AMBRA1: variants seen among roughly 807,000 people sequenced by gnomAD.
The protein encoded by AMBRA1 is activating molecule in BECN1-regulated autophagy protein 1.
In AMBRA1, 47 loss-of-function variants were observed where a neutral mutation model predicts 125.4. That is an observed-to-expected ratio of 0.37 (90% CI 0.30 to 0.48). AMBRA1 has a LOEUF of 0.48. Ranked by LOEUF, AMBRA1 falls within the 20% of genes least tolerant of loss-of-function variation. The pLI, the probability that AMBRA1 is intolerant of heterozygous loss-of-function variation, is 0.99. For missense variants in AMBRA1, 1,331 were observed against 1,693.4 expected, an observed-to-expected ratio of 0.79 and a Z score of 3.76; for synonymous variants, 626 against 655.5, an observed-to-expected ratio of 0.95 and a Z score of 0.69.
intron 7 of AMBRA1, chr11:46,518,429 CAAAAA>C (rs761919668): frequency 1.2e-4 from 7 of 58,434 alleles, no homozygotes; most frequent in South Asian, 1.6e-3. Context: ...GACTCCGTCT[CAAAAA>C]AAAAAAAAAA....
At chr11:46,415,074 T>C (rs1307225752) in intron 15 of AMBRA1, among the ~76,000 whole-genome samples, 7 of 151,786 alleles carry the variant, frequency 4.6e-5, no homozygotes, top group Non-Finnish European at 1.0e-4. Flanking sequence ...GGCTGCAATC[T>C]TGGCCCAGCT....
rs149093532 is a variant in AMBRA1, at chr11:46,397,492, C to A, written c.3855G>T (p.Arg1285Ser). The A allele has an allele frequency of 2.1e-5, 32 of 1,526,124 alleles. No homozygotes were observed. The highest frequency in any genetic ancestry group is 6.3e-5 in the Admixed American group (3 of 47,766). 94.5% of individuals were successfully genotyped at this position (1,526,124 alleles called of 1,614,324 possible). A position where few individuals can be genotyped will look rare whatever the true frequency, so the allele number is the denominator to read the frequency against. ...CTCCCCTAGGGCCTGCAGCGTCCCC[C>A]CTGCTGCTGCCACCATCCAGAAGGT... ...NNHLLDGGSS[R>S]GDAAGPRGEP... The change falls in exon 18 of 18, where the codon AGG becomes AGT. Residue 1285 changes from arginine (R) to serine (S), a missense_variant. Around this residue, in one of 4 missense-constraint regions of AMBRA1, gnomAD observed 144 missense variants for 133.9 expected, o/e 1.08. Transcript: ENST00000683756.
chr11:46,586,996 A>G (rs947264748), intron 1 of AMBRA1, among the ~76,000 whole-genome samples: 16 of 152,186 alleles, frequency 1.1e-4, no homozygotes, highest in Non-Finnish European at 1.6e-4. Flanking sequence ...TCATTATACT[A>G]TAGGTATATA....
intron 1 of AMBRA1, among the ~76,000 whole-genome samples, chr11:46,573,242 T>G (rs1343277227): frequency 6.7e-6 from 1 of 149,602 alleles, no homozygotes; most frequent in African/African-American, 2.5e-5. Context: ...CTGTCTCTAC[T>G]CAAAATACAA....
At chr11:46,416,100 G>A (rs1946533489) in intron 15 of AMBRA1, among the ~76,000 whole-genome samples, 1 of 152,204 alleles carries the variant, frequency 6.6e-6, no homozygotes, top group African/African-American at 2.4e-5. Flanking sequence ...AAGAGGTCTT[G>A]GAGAAACAGG....
intron 1 of AMBRA1, 127 bp from the exon 2 acceptor site, chr11:46,548,627 C>G: frequency 2.1e-6 from 1 of 469,752 alleles, no homozygotes; most frequent in South Asian, 3.2e-5. Context: ...CAGAAAAGAC[C>G]CTTCCTCCCA....
chr11:46,543,425 G>C (rs367678351), intron 6 of AMBRA1, 27 bp from the exon 7 acceptor site: 11 of 1,606,456 alleles, frequency 6.8e-6, no homozygotes, highest in African/African-American at 1.3e-5. Context: ...CATGGGGCAG[G>C]GGGTAGAGCA....
At chr11:46,573,620 G>A (rs1288355842) in intron 1 of AMBRA1, among the ~76,000 whole-genome samples, 5 of 149,970 alleles carry the variant, frequency 3.3e-5, no homozygotes, top group South Asian at 2.1e-4. Context: ...TCAAATGAGT[G>A]GTCTTCCAGG....
chr11:46,563,632 G>A (rs2043410429), intron 1 of AMBRA1, among the ~76,000 whole-genome samples: 1 of 152,220 alleles, frequency 6.6e-6, no homozygotes, highest in African/African-American at 2.4e-5. Context: ...TTGAAGTCAG[G>A]AGTTTGAGAC....
At chr11:46,475,020 A>G (rs903610566) in intron 11 of AMBRA1, among the ~76,000 whole-genome samples, 2 of 152,192 alleles carry the variant, frequency 1.3e-5, no homozygotes, top group African/African-American at 2.4e-5. Flanking sequence ...GAGTACTTGG[A>G]GAGGAGATGA....
chr11:46,542,707 G>T lies in AMBRA1; in HGVS notation c.1310C>A (p.Pro437Gln). ...NSRSEAESMP[P>Q]PRTSASSVSL... ...CACCGAAGAGGCACTGGTTCTGGGC[G>T]GGGGCATGGATTCCGCCTCAGAGCG... The change falls in exon 7 of 18, where the codon CCG becomes CAG. Residue 437 changes from proline (P) to glutamine (Q), a missense_variant. Transcript: ENST00000683756. The surrounding 1 kb of genome is among the most constrained non-coding windows in gnomAD (Gnocchi z 5.9). 6.2e-7 allele frequency: 1 copy of T among 1,614,136 alleles called. No individual in the cohort carries two copies. The highest frequency in any genetic ancestry group is 8.5e-7 in the Non-Finnish European group (1 of 1,180,036).
At chr11:46,418,126 G>A in intron 14 of AMBRA1, 74 bp from the exon 15 acceptor site, 1 of 1,407,374 alleles carries the variant, frequency 7.1e-7, no homozygotes, top group Non-Finnish European at 9.5e-7. Flanking sequence ...ACAAAATCCA[G>A]GGAGAAACAA....
chr11:46,489,091 G>C (rs1326245285), intron 11 of AMBRA1, among the ~76,000 whole-genome samples: 2 of 151,962 alleles, frequency 1.3e-5, no homozygotes, highest in South Asian at 4.1e-4. Flanking sequence ...TACACTTTAA[G>C]TTTTAGGGTA....
intron 7 of AMBRA1, among the ~76,000 whole-genome samples, chr11:46,523,329 AC>A (rs1401889180): frequency 6.6e-6 from 1 of 152,148 alleles, no homozygotes; most frequent in Non-Finnish European, 1.5e-5. Flanking sequence ...ATTTGACTCT[AC>A]TGAAATAATT....
At chr11:46,499,229 G>A (rs947348997) in intron 9 of AMBRA1, among the ~76,000 whole-genome samples, 6 of 151,790 alleles carry the variant, frequency 4.0e-5, no homozygotes, top group Non-Finnish European at 5.9e-5. Context: ...CATTCCTATT[G>A]TGCATTTTAT....
chr11:46,451,299 T>C (rs1392269805), intron 11 of AMBRA1, among the ~76,000 whole-genome samples: 1 of 152,210 alleles, frequency 6.6e-6, no homozygotes, highest in Non-Finnish European at 1.5e-5. Flanking sequence ...GTCTTCAACT[T>C]GTAGGCCAGA....
chr11:46,456,831 CAG>C (rs1948867393), intron 11 of AMBRA1, among the ~76,000 whole-genome samples: 1 of 152,194 alleles, frequency 6.6e-6, no homozygotes, highest in African/African-American at 2.4e-5. Flanking sequence ...CTGTCGATCA[CAG>C]GGTAATAAAC....
chr11:46,418,907 C>T (rs1237230048), intron 14 of AMBRA1, among the ~76,000 whole-genome samples: 1 of 152,082 alleles, frequency 6.6e-6, no homozygotes, highest in Non-Finnish European at 1.5e-5. Context: ...ACCAGGCCAA[C>T]CAGTGAGCAT....
At chr11:46,590,527 G>A (rs565855839) in intron 1 of AMBRA1, among the ~76,000 whole-genome samples, 106 of 151,726 alleles carry the variant, frequency 7.0e-4, no homozygotes, top group Non-Finnish European at 7.8e-4. Context: ...GTTTTCTAAC[G>A]ATATACAAAA....
Sources: gnomAD v4.1 joint callset for allele counts (sites outside exome capture counted in the v4.1 genomes callset) on GRCh38, gnomAD v4.1.1 for gene constraint, gnomAD v4.1.1 regional missense constraint, Gnocchi (gnomAD v3.1) non-coding constraint, MANE v1.5 for transcripts, NCBI Gene and HGNC (gene_info 2026-07-23, HGNC 2026-07-21) for gene names.